The following HS3ST4 variants were observed in gnomAD, a reference collection of about 807,000 sequenced individuals.
HS3ST4 encodes heparan sulfate-glucosamine 3-sulfotransferase 4, also known as heparan sulfate glucosamine 3-O-sulfotransferase 4.
HS3ST4 carries 17 observed loss-of-function variants against 29.2 expected under a neutral mutation model. The ratio of observed to expected loss-of-function variants is 0.58; its 90% CI spans 0.40 to 0.87. The LOEUF (loss-of-function observed/expected upper bound fraction) is 0.87. HS3ST4 is among the 40% of genes least tolerant of loss of function. HS3ST4 has a pLI of 0.00. For missense variants in HS3ST4, 627 were observed against 634.5 expected (o/e 0.99, Z 0.13); for synonymous variants, 314 against 285.7 (o/e 1.10, Z -1.00).
At chr16:26,112,070 C>T (rs1357017829) in intron 1 of HS3ST4, among the ~76,000 whole-genome samples, 3 of 151,560 alleles carry the variant, frequency 2.0e-5, no homozygotes, top group Non-Finnish European at 4.4e-5. Context: ...TTTATAAACT[C>T]TTGCCCCAGT....
intron 1 of HS3ST4, among the ~76,000 whole-genome samples, chr16:26,120,579 T>A (rs545526091): frequency 6.6e-6 from 1 of 152,338 alleles, no homozygotes; most frequent in East Asian, 1.9e-4. Context: ...ACTCTAGAGC[T>A]GGTGCGTGGC....
Position 25,960,460 on chromosome 16 carries a change from A to G in HS3ST4, c.735-175152A>G, listed in dbSNP as rs557130310. 8.5e-5 allele frequency among the ~76,000 whole-genome samples: 13 copies of G among 152,334 alleles called. No individual in the cohort carries two copies. In the South Asian group the frequency reaches 2.5e-3, roughly 29 times the overall value. On this transcript the variant is annotated intron_variant, in intron 1 of 1. Coordinates refer to ENST00000331351, the MANE Select transcript of HS3ST4 (RefSeq NM_006040.3). ...AAGTGGTTCTGCGTGATTCATCATC[A>G]CAGTTGTTTCTCACATACTACTTTT...
intron 1 of HS3ST4, among the ~76,000 whole-genome samples, chr16:25,786,871 G>A (rs1036208813): frequency 1.3e-5 from 2 of 152,164 alleles, no homozygotes; most frequent in Admixed American, 6.5e-5. Context: ...CTGTGATTCC[G>A]GGAGGGGGAT....
At position 25,908,756 on chromosome 16, in the gene HS3ST4, C is replaced by T. The variant is rs1387844629; in HGVS notation, c.734+215605C>T. 3.3e-5 allele frequency among the ~76,000 whole-genome samples: 5 copies of T among 152,228 alleles called. No individual in the cohort carries two copies. The East Asian group carries it at 9.7e-4, about 29-fold the overall frequency. ...ATCAGTTCAATGTCAGGAATCACAG[C>T]GCAGAAGCTGCAGGTGAGGTAGCAA... On this transcript the variant is annotated intron_variant, in intron 1 of 1. Transcript: ENST00000331351.
chr16:25,960,181 T>C (rs972775617), intron 1 of HS3ST4, among the ~76,000 whole-genome samples: 1 of 152,106 alleles, frequency 6.6e-6, no homozygotes, highest in African/African-American at 2.4e-5. Context: ...CCTTGCTCAC[T>C]CTCTGGCCAT....
At chr16:25,920,348 C>T (rs557260776) in intron 1 of HS3ST4, among the ~76,000 whole-genome samples, 45 of 152,126 alleles carry the variant, frequency 3.0e-4, no homozygotes, top group Non-Finnish European at 5.3e-4. Flanking sequence ...CCATCAAAGC[C>T]GTACTCATTA....
chr16:26,056,915 C>A (rs1214637770), intron 1 of HS3ST4, among the ~76,000 whole-genome samples: 1 of 152,110 alleles, frequency 6.6e-6, no homozygotes, highest in Non-Finnish European at 1.5e-5. Flanking sequence ...TACAGGTATA[C>A]TTTGTGGAGT....
At chr16:25,845,513 C>T (rs1260392722) in intron 1 of HS3ST4, among the ~76,000 whole-genome samples, 1 of 150,664 alleles carries the variant, frequency 6.6e-6, no homozygotes, top group East Asian at 1.9e-4. Context: ...CATTTCAAAA[C>T]AACAACAACA....
At chr16:25,994,836 T>C (rs1278836996) in intron 1 of HS3ST4, among the ~76,000 whole-genome samples, 1 of 152,226 alleles carries the variant, frequency 6.6e-6, no homozygotes, top group Admixed American at 6.5e-5. Flanking sequence ...CTTTCTTGCC[T>C]GAAAACATGC....
At chr16:25,914,137 TTGTA>T (rs1968268441) in intron 1 of HS3ST4, among the ~76,000 whole-genome samples, 1 of 143,984 alleles carries the variant, frequency 6.9e-6, no homozygotes, top group Admixed American at 7.0e-5. Flanking sequence ...TGTGTGGTGT[TTGTA>T]TGTGTTGTGA....
chr16:25,955,311 A>G (rs1206703416), intron 1 of HS3ST4, among the ~76,000 whole-genome samples: 1 of 152,170 alleles, frequency 6.6e-6, no homozygotes, highest in Non-Finnish European at 1.5e-5. Context: ...AAGACAAGAC[A>G]GCCTCTGCAT....
chr16:25,938,279 A>G lies in HS3ST4; in HGVS notation c.735-197333A>G, dbSNP rs149966053. ...GAAAGCTCTCCGGAACAGCTGGGAG[A>G]GAGTTGGAGGACCTCAGGCCATAAT... On this transcript the variant is annotated intron_variant, in intron 1 of 1. Transcript: ENST00000331351. 2.5e-3 allele frequency among the ~76,000 whole-genome samples: 374 copies of G among 152,254 alleles called. 2 individuals are homozygous for G. The highest frequency in any genetic ancestry group is 8.7e-3 in the African/African-American group (360 of 41,554).
chr16:26,101,103 T>C (rs1363315904), intron 1 of HS3ST4, among the ~76,000 whole-genome samples: 1 of 152,214 alleles, frequency 6.6e-6, no homozygotes, highest in Non-Finnish European at 1.5e-5. Context: ...TCCAACCTTC[T>C]TGCTCCTCTT....
intron 1 of HS3ST4, among the ~76,000 whole-genome samples, chr16:25,754,227 A>C (rs1300253632): frequency 6.6e-6 from 1 of 152,170 alleles, no homozygotes; most frequent in Non-Finnish European, 1.5e-5. Flanking sequence ...ATAAAGCCAG[A>C]GTGTCTAGAC....
rs557339453 is a variant in HS3ST4, at chr16:26,105,728, T to G, written c.735-29884T>G. Among the ~76,000 whole-genome samples, 238 of 152,380 alleles carry G rather than the reference T, an allele frequency of 1.6e-3. 1 individual carries two copies. Among genetic ancestry groups the G allele is most frequent in the African/African-American group, 5.4e-3 (226 of 41,600 alleles). ...AGCCAGACGGGCTTTCGCCCCAGAA[T>G]GCTGCACCTGCTATTTCCCCAGGCT... On this transcript the variant is annotated intron_variant, in intron 1 of 1. Coordinates refer to ENST00000331351, the MANE Select transcript of HS3ST4 (RefSeq NM_006040.3).
intron 1 of HS3ST4, among the ~76,000 whole-genome samples, chr16:25,847,034 T>C (rs1231406638): frequency 6.6e-6 from 1 of 151,352 alleles, no homozygotes; most frequent in Non-Finnish European, 1.5e-5. Flanking sequence ...TTTTTGACTC[T>C]TTTTTTCACA....
At chr16:26,014,039 T>A (rs1256993189) in intron 1 of HS3ST4, among the ~76,000 whole-genome samples, 2 of 151,620 alleles carry the variant, frequency 1.3e-5, no homozygotes, top group Admixed American at 6.6e-5. Flanking sequence ...AATAAATAAA[T>A]AAAACAAAAA....
At chr16:25,705,880 G>C (rs988768520) in intron 1 of HS3ST4, among the ~76,000 whole-genome samples, 1 of 152,138 alleles carries the variant, frequency 6.6e-6, no homozygotes, top group Non-Finnish European at 1.5e-5. Context: ...TAGTGACTGT[G>C]TGTTGGGATC....
chr16:25,855,446 T>G (rs1242589188), intron 1 of HS3ST4, among the ~76,000 whole-genome samples: 1 of 152,226 alleles, frequency 6.6e-6, no homozygotes, highest in Non-Finnish European at 1.5e-5. Flanking sequence ...CAGGGCCATT[T>G]CAAAATATGT....
Sources: gnomAD v4.1 joint callset for allele counts (sites outside exome capture counted in the v4.1 genomes callset) on GRCh38, gnomAD v4.1.1 for gene constraint, MANE v1.5 for transcripts, NCBI Gene and HGNC (gene_info 2026-07-23, HGNC 2026-07-21) for gene names.